Variants in RPS6KA5 observed in about 807,000 individuals in gnomAD.
RPS6KA5 encodes ribosomal protein S6 kinase alpha-5.
RPS6KA5 carries 27 observed loss-of-function variants against 85.5 expected under a neutral mutation model. The observed-to-expected ratio is 0.32, with a 90% CI of 0.23 to 0.44. The LOEUF is 0.44. RPS6KA5 is among the 20% of genes least tolerant of loss of function. The probability of loss-of-function intolerance (pLI) is 1.00; values close to 1 mark genes in which losing one functional copy is unlikely to be tolerated. For synonymous variants in RPS6KA5, 334 were observed against 348.2 expected, an observed-to-expected ratio of 0.96 and a Z score of 0.46; for missense variants, 811 against 980.9, an observed-to-expected ratio of 0.83 and a Z score of 2.31.
intron 1 of RPS6KA5, among the ~76,000 whole-genome samples, chr14:91,049,546 C>T (rs929589879): frequency 5.9e-5 from 9 of 152,084 alleles, no homozygotes; most frequent in African/African-American, 1.9e-4. Context: ...ACCAAGGAAG[C>T]GGAGCTTGCC....
intron 12 of RPS6KA5, among the ~76,000 whole-genome samples, chr14:90,896,465 T>G (rs1160374723): frequency 1.3e-5 from 2 of 152,196 alleles, no homozygotes; most frequent in African/African-American, 2.4e-5. Context: ...CCTGTGGTTG[T>G]TACCTTAGAA....
chr14:91,032,100 C>T (rs2042209208), intron 1 of RPS6KA5, among the ~76,000 whole-genome samples: 1 of 152,168 alleles, frequency 6.6e-6, no homozygotes, highest in South Asian at 2.1e-4. Flanking sequence ...TTGGGAAGCT[C>T]AATATCTGAT....
intron 14 of RPS6KA5, among the ~76,000 whole-genome samples, chr14:90,879,450 A>G (rs2033684919): frequency 6.6e-6 from 1 of 152,210 alleles, no homozygotes; most frequent in African/African-American, 2.4e-5. Flanking sequence ...TCAGGATAAT[A>G]CCTTGTGGGG....
chr14:90,870,618 A>G lies in RPS6KA5; in HGVS notation c.*1456T>C, dbSNP rs1271539360. The G allele has an allele frequency of 1.3e-5, 2 of 152,134 alleles. No individual in the cohort carries two copies. Among genetic ancestry groups the G allele is most frequent in the African/African-American group, 4.8e-5 (2 of 41,438 alleles). 9.4% of individuals were successfully genotyped at this position (152,134 alleles called of 1,614,324 possible). ...ATAACCTCAAGAAAGGAATAAATAA[A>G]TATCATGTCCAAATTCCAAACTAAT... is the stretch of plus-strand genomic sequence containing the variant. On this transcript the variant is annotated 3_prime_UTR_variant, in exon 17 of 17. Transcript: ENST00000614987.
intron 1 of RPS6KA5, among the ~76,000 whole-genome samples, chr14:91,001,388 C>A (rs2140582497): frequency 6.6e-6 from 1 of 152,064 alleles, no homozygotes; most frequent in Middle Eastern, 3.4e-3. Context: ...ATCATTTGTA[C>A]CAAATATTAA....
intron 3 of RPS6KA5, among the ~76,000 whole-genome samples, chr14:90,962,657 C>T (rs1005424179): frequency 2.0e-5 from 3 of 151,486 alleles, no homozygotes; most frequent in African/African-American, 7.3e-5. Flanking sequence ...GAACCCTGGG[C>T]GGTTTTCTCG....
At position 90,875,263 on chromosome 14, in the gene RPS6KA5, T is replaced by A; in HGVS notation, c.1934A>T (p.Asp645Val). ...VEIMKKIKKG[D>V]FSFEGEAWKN... ...CCAGGCTTCTCCTTCAAAGGAGAAA[T>A]CTCCCTTTTTAATTTTCTTCATGAT... Residue 645 changes from aspartate (D) to valine (V), a missense_variant, in exon 15 of 17, where the codon GAT (aspartate) becomes GTT (valine). Transcript: ENST00000614987. The A allele has an allele frequency of 6.2e-7, 1 of 1,613,934 alleles. No individual in the cohort carries two copies. The highest frequency in any genetic ancestry group is 1.1e-5 in the South Asian group (1 of 91,076).
intron 3 of RPS6KA5, among the ~76,000 whole-genome samples, chr14:90,953,282 T>A (rs1016886991): frequency 2.0e-5 from 3 of 152,212 alleles, no homozygotes; most frequent in Non-Finnish European, 4.4e-5. Context: ...TTCATGGACA[T>A]TTATCTGGAC....
At chr14:90,950,064 G>A (rs759188217) in intron 3 of RPS6KA5, among the ~76,000 whole-genome samples, 2 of 152,184 alleles carry the variant, frequency 1.3e-5, no homozygotes, top group South Asian at 2.1e-4. Flanking sequence ...TTGAATCCAC[G>A]AACATGGGGG....
At chr14:90,881,181 T>C (rs974272012) in intron 14 of RPS6KA5, among the ~76,000 whole-genome samples, 2 of 151,738 alleles carry the variant, frequency 1.3e-5, no homozygotes, top group Admixed American at 1.3e-4. Flanking sequence ...CCAGGAGTGG[T>C]GGCTCATGCC....
At chr14:90,920,630 A>C (rs1353637307) in intron 6 of RPS6KA5, among the ~76,000 whole-genome samples, 1 of 151,732 alleles carries the variant, frequency 6.6e-6, no homozygotes. Context: ...AGGGAACTAA[A>C]GTATTCAGCT....
In RPS6KA5 at chr14:90,862,080, T is replaced by C. The variant is rs2032582320; in HGVS notation, c.*9994A>G. The C allele has an allele frequency of 6.6e-6, 1 of 151,746 alleles. No individual in the cohort carries two copies. The highest frequency in any genetic ancestry group is 2.4e-5 in the African/African-American group (1 of 41,276). The allele number at this position is 151,746 out of a possible 1,614,324, so 9.4% of individuals were successfully genotyped here. On this transcript the variant is annotated 3_prime_UTR_variant, in exon 17 of 17. Coordinates refer to ENST00000614987, the MANE Select transcript of RPS6KA5 (RefSeq NM_004755.4). ...GGAGGAAACAATGGACAAAAGAAAA[T>C]ATTTGGTTTATCAAAAGAAGACACA...
At position 90,916,135 on chromosome 14, in the gene RPS6KA5, G is replaced by A. The variant is rs531119455; in HGVS notation, c.806+4071C>T. On this transcript the variant is annotated intron_variant, in intron 7 of 16. Coordinates refer to ENST00000614987, the MANE Select transcript of RPS6KA5 (RefSeq NM_004755.4). ...GACCAAAATTAACATTCAGAAATGAGAAAATAATAATTTCAGTTTAAGAGG... is the reference window on the plus strand; with the variant it reads ...GACCAAAATTAACATTCAGAAATGAAAAAATAATAATTTCAGTTTAAGAGG... Among the ~76,000 whole-genome samples the A allele has an allele frequency of 2.0e-5, 3 of 152,260 alleles. No individual in the cohort carries two copies. The East Asian group carries it at 5.8e-4, about 29-fold the overall frequency.
At position 90,933,143 on chromosome 14, in the gene RPS6KA5, G is replaced by A. The variant is rs1285130125; in HGVS notation, c.618+9935C>T. Reference sequence around the variant, plus strand: ...TAACCTAACAATAGCATTTGACACAGTTAATCATTTTCAACCTTGAAACAT... The same window carrying A: ...TAACCTAACAATAGCATTTGACACAATTAATCATTTTCAACCTTGAAACAT... On this transcript the variant is annotated intron_variant, in intron 5 of 16. Transcript: ENST00000614987. Among the ~76,000 whole-genome samples, 14 of 152,288 alleles carry A rather than the reference G, an allele frequency of 9.2e-5. No homozygotes were observed. In the East Asian group the frequency reaches 2.7e-3, roughly 29 times the overall value.
intron 14 of RPS6KA5, among the ~76,000 whole-genome samples, chr14:90,889,721 A>C (rs968355061): frequency 6.6e-6 from 1 of 152,208 alleles, no homozygotes; most frequent in African/African-American, 2.4e-5. Flanking sequence ...TTATTTGTTA[A>C]AAAATTCAAA....
Position 90,857,789 on chromosome 14 carries a change from C to A in RPS6KA5, c.*14285G>T, listed in dbSNP as rs374898729. Reference sequence around the variant, plus strand: ...ATTACCACAAGTCCGACTCGGCAACCATTTAGTAGCCTTTCTATAAAAACA... The same window carrying A: ...ATTACCACAAGTCCGACTCGGCAACAATTTAGTAGCCTTTCTATAAAAACA... On this transcript the variant is annotated 3_prime_UTR_variant, in exon 17 of 17. Transcript: ENST00000614987. 1.2e-4 allele frequency: 19 copies of A among 152,342 alleles called. No homozygotes were observed. The highest frequency in any genetic ancestry group is 3.1e-4 in the African/African-American group (13 of 41,584). 9.4% of individuals were successfully genotyped at this position (152,342 alleles called of 1,614,324 possible).
intron 14 of RPS6KA5, among the ~76,000 whole-genome samples, chr14:90,886,033 T>C (rs1178026050): frequency 6.6e-6 from 1 of 151,940 alleles, no homozygotes; most frequent in Non-Finnish European, 1.5e-5. Context: ...TGTCTGCAAA[T>C]TGTTTGCAAA....
At position 91,051,204 on chromosome 14, in the gene RPS6KA5, A is replaced by G. The variant is rs1335795242; in HGVS notation, c.103+9128T>C. Among the ~76,000 whole-genome samples, 4 of 151,964 alleles carry G rather than the reference A, an allele frequency of 2.6e-5. No homozygotes were observed. The East Asian group carries it at 5.8e-4, about 22-fold the overall frequency. Reference sequence around the variant, plus strand: ...CAGTGAGCTGAGATCACGCCATTGCACTCCAGCCTGAGCGACAGAGTGGGA... The same window carrying G: ...CAGTGAGCTGAGATCACGCCATTGCGCTCCAGCCTGAGCGACAGAGTGGGA... On this transcript the variant is annotated intron_variant, in intron 1 of 16. Transcript: ENST00000614987.
intron 6 of RPS6KA5, among the ~76,000 whole-genome samples, chr14:90,920,748 A>T (rs1262512026): frequency 6.6e-6 from 1 of 151,878 alleles, no homozygotes; most frequent in Non-Finnish European, 1.5e-5. Flanking sequence ...AATTTTTCTT[A>T]TAGAACCTAT....
Sources: allele counts gnomAD v4.1 joint callset (sites outside exome capture counted in the v4.1 genomes callset), GRCh38; gene constraint gnomAD v4.1.1; transcripts MANE v1.5; gene names NCBI Gene and HGNC (gene_info 2026-07-23, HGNC 2026-07-21).